LPAR3: variants seen among roughly 807,000 people sequenced by gnomAD.
LPAR3 encodes the protein LPA receptor 3.
Under a neutral mutation model 17.8 loss-of-function variants are expected in LPAR3, and 7 were observed. That is an observed-to-expected ratio of 0.39 (90% confidence interval 0.22 to 0.74). The LOEUF (loss-of-function observed/expected upper bound fraction) is 0.74, where lower values mean the gene tolerates loss of function less well. LPAR3 is among the 30% of genes least tolerant of loss of function. The pLI is 0.40. For missense variants in LPAR3, 391 were observed against 453.4 expected (o/e 0.86, Z 1.25); for synonymous variants, 179 against 179.9 (o/e 0.99, Z 0.04).
intron 2 of LPAR3, among the ~76,000 whole-genome samples, chr1:84,861,887 C>A (rs1659948756): frequency 6.6e-6 from 1 of 152,160 alleles, no homozygotes; most frequent in Non-Finnish European, 1.5e-5. Flanking sequence ...TTAGTCAATA[C>A]CACACCTGCC....
chr1:84,890,449 C>A lies in LPAR3; in HGVS notation c.-19+2567G>T, dbSNP rs143921352. On this transcript the variant is annotated intron_variant, in intron 1 of 2. Coordinates refer to ENST00000370611, the MANE Select transcript of LPAR3 (RefSeq NM_012152.3). ...TGTATATGAGAGACCATGCTCAGTG[C>A]TTTCTCTTTTAATCTTGGGAGATGG... 2.0e-5 allele frequency among the ~76,000 whole-genome samples: 3 copies of A among 152,300 alleles called. No homozygotes were observed. The East Asian group carries it at 5.8e-4, about 29-fold the overall frequency.
Position 84,859,915 on chromosome 1 carries a change from G to A in LPAR3, c.736+5470C>T, listed in dbSNP as rs141862049. Among the ~76,000 whole-genome samples the A allele has an allele frequency of 5.4e-3, 825 of 152,302 alleles. 7 individuals are homozygous for A. Among genetic ancestry groups the A allele is most frequent in the African/African-American group, 0.019 (781 of 41,566 alleles). ...GACAATAAATTAGACGTTTCCATGT[G>A]GGGTTTCTTGTGTGTTTGGTTGCTG... On this transcript the variant is annotated intron_variant, in intron 2 of 2. Coordinates refer to ENST00000370611, the MANE Select transcript of LPAR3 (RefSeq NM_012152.3).
At chr1:84,887,457 T>C (rs1660482959) in intron 1 of LPAR3, among the ~76,000 whole-genome samples, 1 of 152,040 alleles carries the variant, frequency 6.6e-6, no homozygotes, top group East Asian at 1.9e-4. Context: ...AAATGGTAGT[T>C]TCTGTAGGTA....
intron 1 of LPAR3, among the ~76,000 whole-genome samples, chr1:84,880,685 G>A (rs1052824135): frequency 2.6e-5 from 4 of 152,202 alleles, no homozygotes; most frequent in African/African-American, 9.6e-5. Flanking sequence ...TGCGGTAACT[G>A]ACCTGTGGAA....
At chr1:84,855,480 CT>C in intron 2 of LPAR3, among the ~76,000 whole-genome samples, 1 of 152,126 alleles carries the variant, frequency 6.6e-6, no homozygotes, top group East Asian at 1.9e-4. Context: ...CTCCCTATAC[CT>C]TCTTTTCAAA....
At chr1:84,867,820 TATATC>T (rs1231582364) in intron 1 of LPAR3, among the ~76,000 whole-genome samples, 1 of 152,304 alleles carries the variant, frequency 6.6e-6, no homozygotes, top group Admixed American at 6.5e-5. Context: ...ATATTTACAC[TATATC>T]ATAATTTCCC....
At chr1:84,864,500 C>G (rs1394304394) in intron 2 of LPAR3, among the ~76,000 whole-genome samples, 2 of 152,150 alleles carry the variant, frequency 1.3e-5, no homozygotes, top group Non-Finnish European at 2.9e-5. Flanking sequence ...AAAACAGTAG[C>G]CAGAGAGATA....
At chr1:84,829,254 G>A (rs1659236118) in intron 2 of LPAR3, among the ~76,000 whole-genome samples, 1 of 145,456 alleles carries the variant, frequency 6.9e-6, no homozygotes, top group Admixed American at 7.1e-5. Flanking sequence ...ACTTGAAAGT[G>A]GGAACTTTGC....
intron 1 of LPAR3, among the ~76,000 whole-genome samples, chr1:84,891,967 A>C (rs1454216649): frequency 6.6e-6 from 1 of 152,074 alleles, no homozygotes; most frequent in Non-Finnish European, 1.5e-5. Context: ...TAATCCCAGC[A>C]CTTTGGGATG....
intron 1 of LPAR3, among the ~76,000 whole-genome samples, chr1:84,869,603 GA>G (rs543458677): frequency 2.7e-3 from 411 of 151,900 alleles, no homozygotes; most frequent in African/African-American, 4.4e-3. Context: ...AAAAGATAAT[GA>G]AAAAAAATCT....
chr1:84,828,958 G>C (rs1302001278), intron 2 of LPAR3, among the ~76,000 whole-genome samples: 1 of 152,008 alleles, frequency 6.6e-6, no homozygotes, highest in African/African-American at 2.4e-5. Flanking sequence ...TAATACTCAG[G>C]ACACAGGTAA....
At chr1:84,822,997 C>G (rs1038969253) in intron 2 of LPAR3, among the ~76,000 whole-genome samples, 2 of 152,202 alleles carry the variant, frequency 1.3e-5, no homozygotes, top group East Asian at 3.9e-4. Context: ...TGTTTTTAGT[C>G]CAGGAAAAAG....
In LPAR3 at chr1:84,813,989, T is replaced by C; in HGVS notation, c.919A>G (p.Met307Val). ...TTCTCCTGAGAGAAGCAGCAGATCATCTTCTTCATGGTGCCATACATGTCC... is the reference window on the plus strand; with the variant it reads ...TTCTCCTGAGAGAAGCAGCAGATCACCTTCTTCATGGTGCCATACATGTCC... Reference protein sequence around the residue: ...DEDMYGTMKKMICCFSQENPE... With the variant: ...DEDMYGTMKKVICCFSQENPE... Residue 307 changes from methionine (M) to valine (V), a missense_variant, in exon 3 of 3, where the codon ATG (methionine) becomes GTG (valine). Transcript: ENST00000370611. 6.2e-7 allele frequency: 1 copy of C among 1,614,150 alleles called. No individual in the cohort carries two copies. The highest frequency in any genetic ancestry group is 8.5e-7 in the Non-Finnish European group (1 of 1,180,018).
chr1:84,885,144 C>T (rs1471064439), intron 1 of LPAR3, among the ~76,000 whole-genome samples: 1 of 152,142 alleles, frequency 6.6e-6, no homozygotes, highest in African/African-American at 2.4e-5. Context: ...CTATTGGCAT[C>T]TACCGGGCAG....
intron 2 of LPAR3, among the ~76,000 whole-genome samples, chr1:84,832,991 T>A (rs191782669): frequency 4.8e-4 from 73 of 152,260 alleles, no homozygotes; most frequent in African/African-American, 1.7e-3. Context: ...AAATTGTTAA[T>A]CAGTGAAGAA....
chr1:84,889,983 A>T (rs959150186), intron 1 of LPAR3, among the ~76,000 whole-genome samples: 1 of 152,236 alleles, frequency 6.6e-6, no homozygotes, highest in Non-Finnish European at 1.5e-5. Context: ...AGAACTCACA[A>T]AAGTGGGACT....
intron 1 of LPAR3, among the ~76,000 whole-genome samples, chr1:84,879,144 C>T (rs1171525215): frequency 6.6e-6 from 1 of 152,138 alleles, no homozygotes; most frequent in African/African-American, 2.4e-5. Flanking sequence ...AAAAGTCATG[C>T]AATGGGTGGT....
chr1:84,856,375 T>C (rs1364271864), intron 2 of LPAR3, among the ~76,000 whole-genome samples: 1 of 152,246 alleles, frequency 6.6e-6, no homozygotes, highest in Non-Finnish European at 1.5e-5. Flanking sequence ...CAGCATTTCT[T>C]AAGGCAAAGC....
At chr1:84,853,977 C>T (rs1659769178) in intron 2 of LPAR3, among the ~76,000 whole-genome samples, 1 of 152,182 alleles carries the variant, frequency 6.6e-6, no homozygotes, top group Non-Finnish European at 1.5e-5. Flanking sequence ...TAGCCACAGG[C>T]ACCACCCCTC....
Sources: allele counts gnomAD v4.1 joint callset (sites outside exome capture counted in the v4.1 genomes callset), GRCh38; gene constraint gnomAD v4.1.1; transcripts MANE v1.5; gene names NCBI Gene and HGNC (gene_info 2026-07-23, HGNC 2026-07-21).